ARL8B: variants seen among roughly 807,000 people sequenced by gnomAD.
ARL8B encodes the protein ARF like GTPase 8B.
Under a neutral mutation model 30.6 loss-of-function variants are expected in ARL8B, and 9 were observed. The ratio of observed to expected loss-of-function variants is 0.29; its 90% CI spans 0.18 to 0.51. The LOEUF (loss-of-function observed/expected upper bound fraction) is 0.51, where lower values mean the gene tolerates loss of function less well. ARL8B is among the 20% of genes least tolerant of loss of function. The probability of loss-of-function intolerance (pLI) is 0.97; values close to 1 mark genes in which losing one functional copy is unlikely to be tolerated. For synonymous variants in ARL8B, 74 were observed against 76.0 expected, an observed-to-expected ratio of 0.97 and a Z score of 0.14; for missense variants, 130 against 227.2, an observed-to-expected ratio of 0.57 and a Z score of 2.75.
At chr3:5,139,417 C>T (rs2054353398) in intron 1 of ARL8B, among the ~76,000 whole-genome samples, 1 of 152,164 alleles carries the variant, frequency 6.6e-6, no homozygotes, top group Admixed American at 6.5e-5. Flanking sequence ...TTAGGGGCTT[C>T]ATTTATCTTC....
At chr3:5,154,941 G>A (rs2054518897) in intron 1 of ARL8B, among the ~76,000 whole-genome samples, 1 of 152,094 alleles carries the variant, frequency 6.6e-6, no homozygotes, top group South Asian at 2.1e-4. Context: ...CACTATGTTG[G>A]CCAGGCTGGT....
intron 1 of ARL8B, among the ~76,000 whole-genome samples, chr3:5,169,261 T>A (rs1004730133): frequency 2.0e-5 from 3 of 152,130 alleles, no homozygotes; most frequent in Non-Finnish European, 4.4e-5. Flanking sequence ...TCTGTCTTTA[T>A]GAATTTGACT....
At chr3:5,173,420 G>A (rs750864520) in intron 4 of ARL8B, among the ~76,000 whole-genome samples, 1 of 152,324 alleles carries the variant, frequency 6.6e-6, no homozygotes, top group African/African-American at 2.4e-5. Context: ...TTTTGGATAA[G>A]GGATAGTAAA....
chr3:5,175,399 A>G (rs1473576139), intron 6 of ARL8B, among the ~76,000 whole-genome samples: 1 of 152,224 alleles, frequency 6.6e-6, no homozygotes, highest in Non-Finnish European at 1.5e-5. Flanking sequence ...TTGCAGAGCT[A>G]GTATCCCGCT....
chr3:5,174,331 ATTC>A lies in ARL8B; in HGVS notation c.441-8_441-6del. 1.3e-6 allele frequency: 2 copies of A among 1,577,654 alleles called. No homozygotes were observed. Among genetic ancestry groups the A allele is most frequent in the South Asian group, 2.2e-5 (2 of 90,208 alleles). On this transcript the variant is annotated splice_polypyrimidine_tract_variant and intron_variant, in intron 5 of 6. Transcript: ENST00000256496. Reference sequence around the variant, plus strand: ...TTCTAAGCACAGACTTATCCTTTTAATTCTTCTCATAGGAATCTGTCTGCTATT... The same window carrying A: ...TTCTAAGCACAGACTTATCCTTTTAATTCTCATAGGAATCTGTCTGCTATT...
chr3:5,167,915 T>C (rs1038662611), intron 1 of ARL8B, among the ~76,000 whole-genome samples: 3 of 152,200 alleles, frequency 2.0e-5, no homozygotes, highest in African/African-American at 7.2e-5. Flanking sequence ...AACACAAGCT[T>C]TGAAAAGTGA....
intron 1 of ARL8B, among the ~76,000 whole-genome samples, chr3:5,131,563 G>T (rs1004343851): frequency 6.6e-6 from 1 of 151,894 alleles, no homozygotes; most frequent in Non-Finnish European, 1.5e-5. Context: ...GATAATTTTT[G>T]TATTTTTAGT....
At chr3:5,162,987 C>CTTTTTTTTTTTTT in intron 1 of ARL8B, among the ~76,000 whole-genome samples, 1 of 125,818 alleles carries the variant, frequency 7.9e-6, no homozygotes, top group Middle Eastern at 3.9e-3. Flanking sequence ...TTAGCTCCCA[C>CTTTTTTTTTTTTT]TTTTTTTTTT....
At chr3:5,152,016 T>C (rs2054489373) in intron 1 of ARL8B, among the ~76,000 whole-genome samples, 1 of 152,230 alleles carries the variant, frequency 6.6e-6, no homozygotes, top group Admixed American at 6.5e-5. Flanking sequence ...AGGCAAAGCT[T>C]TGATTTGTGG....
intron 1 of ARL8B, among the ~76,000 whole-genome samples, chr3:5,129,929 T>G (rs928796260): frequency 1.3e-5 from 2 of 152,170 alleles, no homozygotes; most frequent in East Asian, 3.8e-4. Flanking sequence ...AGTGGCATGA[T>G]CTTGGCTCAC....
At chr3:5,135,011 G>C (rs1389830352) in intron 1 of ARL8B, among the ~76,000 whole-genome samples, 3 of 152,056 alleles carry the variant, frequency 2.0e-5, no homozygotes, top group Admixed American at 1.3e-4. Flanking sequence ...ACCACGCTTG[G>C]CTAATCTTTG....
At chr3:5,130,427 T>C (rs2054272461) in intron 1 of ARL8B, among the ~76,000 whole-genome samples, 2 of 152,130 alleles carry the variant, frequency 1.3e-5, no homozygotes, top group African/African-American at 4.8e-5. Context: ...GTTTTAGAAG[T>C]ATTGGTAGAT....
chr3:5,128,217 A>G (rs1465399825), intron 1 of ARL8B, among the ~76,000 whole-genome samples: 1 of 150,952 alleles, frequency 6.6e-6, no homozygotes, highest in Non-Finnish European at 1.5e-5. Context: ...TGTATTGCTT[A>G]TTATTTAATT....
intron 1 of ARL8B, among the ~76,000 whole-genome samples, chr3:5,143,661 C>G (rs144425447): frequency 6.6e-6 from 1 of 152,346 alleles, no homozygotes; most frequent in East Asian, 1.9e-4. Context: ...GGGACCTTCT[C>G]AGGTTGGGTG....
chr3:5,133,000 A>T (rs750753291), intron 1 of ARL8B, among the ~76,000 whole-genome samples: 1 of 152,196 alleles, frequency 6.6e-6, no homozygotes, highest in African/African-American at 2.4e-5. Flanking sequence ...AATTTCATTT[A>T]TTCAACAAAT....
intron 5 of ARL8B, 80 bp downstream of exon 5, chr3:5,174,164 TCATAG>T: frequency 7.6e-7 from 1 of 1,308,096 alleles, no homozygotes; most frequent in South Asian, 1.2e-5. Flanking sequence ...TTCCTAATGA[TCATAG>T]CCATTTTTTT....
At chr3:5,138,285 T>A (rs2054344760) in intron 1 of ARL8B, among the ~76,000 whole-genome samples, 2 of 152,054 alleles carry the variant, frequency 1.3e-5, no homozygotes, top group Admixed American at 1.3e-4. Context: ...TGTTCAGCAG[T>A]CTAACATTGA....
chr3:5,147,204 G>A (rs1485098525), intron 1 of ARL8B, among the ~76,000 whole-genome samples: 1 of 152,066 alleles, frequency 6.6e-6, no homozygotes, highest in Non-Finnish European at 1.5e-5. Context: ...GGTATGTGAT[G>A]TTCCCCACCC....
chr3:5,138,988 T>C (rs2054350203), intron 1 of ARL8B, among the ~76,000 whole-genome samples: 1 of 152,206 alleles, frequency 6.6e-6, no homozygotes, highest in Non-Finnish European at 1.5e-5. Flanking sequence ...CCAGGATCAC[T>C]TGAGAAACAG....
Sources: gnomAD v4.1 joint callset for allele counts (sites outside exome capture counted in the v4.1 genomes callset) on GRCh38, gnomAD v4.1.1 for gene constraint, MANE v1.5 for transcripts, NCBI Gene and HGNC (gene_info 2026-07-23, HGNC 2026-07-21) for gene names.